The following GGNBP2 variants were observed in gnomAD, a reference collection of about 807,000 sequenced individuals.
The protein encoded by GGNBP2 is gametogenetin binding protein 2.
Under a neutral mutation model 85.9 loss-of-function variants are expected in GGNBP2, and 10 were observed. The ratio of observed to expected loss-of-function variants is 0.12; its 90% CI spans 0.07 to 0.20. GGNBP2 has a LOEUF of 0.20. Among genes scored for constraint, GGNBP2 ranks in the 10% least tolerant of loss-of-function variants. The pLI, the probability that GGNBP2 is intolerant of heterozygous loss-of-function variation, is 1.00. For missense variants in GGNBP2, 595 were observed against 857.8 expected, an observed-to-expected ratio of 0.69 and a Z score of 3.83; for synonymous variants, 287 against 285.7, an observed-to-expected ratio of 1.00 and a Z score of -0.05.
intron 6 of GGNBP2, among the ~76,000 whole-genome samples, chr17:36,573,206 G>A (rs745363176): frequency 9.2e-5 from 14 of 151,838 alleles, no homozygotes; most frequent in Non-Finnish European, 1.8e-4. Context: ...TCCGCCTCCC[G>A]AGTTCAAGTG....
intron 4 of GGNBP2, among the ~76,000 whole-genome samples, chr17:36,558,514 GGC>G (rs1198730682): frequency 8.7e-5 from 13 of 149,608 alleles, no homozygotes; most frequent in African/African-American, 3.2e-4. Context: ...GGAGTGCAAT[GGC>G]TCGATCTCAG....
intron 5 of GGNBP2, among the ~76,000 whole-genome samples, chr17:36,566,953 G>A (rs1358395702): frequency 6.6e-6 from 1 of 151,906 alleles, no homozygotes; most frequent in Non-Finnish European, 1.5e-5. Flanking sequence ...ATGGCTTGAG[G>A]TCAGGGGTTT....
intron 9 of GGNBP2, chr17:36,582,096 C>G (rs1020801082): frequency 1.3e-5 from 2 of 152,202 alleles, no homozygotes; most frequent in African/African-American, 4.8e-5. Context: ...TCAGGCTGGT[C>G]TCCAGCTTGT....
intron 2 of GGNBP2, among the ~76,000 whole-genome samples, chr17:36,552,758 C>T (rs919095161): frequency 6.6e-5 from 10 of 152,130 alleles, no homozygotes; most frequent in Non-Finnish European, 1.3e-4. Context: ...TGGTGACTCA[C>T]GCCTGTAATC....
chr17:36,561,080 T>A (rs980424497), intron 5 of GGNBP2, among the ~76,000 whole-genome samples: 137 of 152,242 alleles, frequency 9.0e-4, no homozygotes, highest in African/African-American at 3.0e-3. Context: ...TTTAAAAAAA[T>A]TTTTTTATGT....
At chr17:36,556,894 G>T (rs931113822) in intron 3 of GGNBP2, among the ~76,000 whole-genome samples, 189 bp from the exon 4 acceptor site, 7 of 151,308 alleles carry the variant, frequency 4.6e-5, no homozygotes, top group African/African-American at 7.3e-5. Flanking sequence ...GAGCAAGGGG[G>T]TTTGTGGAGG....
chr17:36,565,717 G>A (rs545247942), intron 5 of GGNBP2, among the ~76,000 whole-genome samples: 3 of 152,226 alleles, frequency 2.0e-5, no homozygotes, highest in East Asian at 3.9e-4. Flanking sequence ...CCAATATGGC[G>A]AAACCCCGTC....
intron 7 of GGNBP2, chr17:36,578,921 T>C (rs752247868): frequency 6.2e-5 from 12 of 194,138 alleles, no homozygotes; most frequent in Non-Finnish European, 1.1e-4. Flanking sequence ...TTTGCTATAA[T>C]TGGAAAGTAA....
intron 9 of GGNBP2, among the ~76,000 whole-genome samples, chr17:36,584,756 A>C (rs1331373236): frequency 3.9e-5 from 6 of 152,162 alleles, no homozygotes; most frequent in African/African-American, 1.4e-4. Flanking sequence ...CAAGAGTTCA[A>C]GACTAGCCTG....
At chr17:36,563,038 G>A (rs1400428077) in intron 5 of GGNBP2, among the ~76,000 whole-genome samples, 2 of 151,286 alleles carry the variant, frequency 1.3e-5, no homozygotes, top group Non-Finnish European at 2.9e-5. Context: ...GGCCAAGTTG[G>A]GTGGATTCTC....
At chr17:36,558,217 T>A (rs2074382223) in intron 4 of GGNBP2, among the ~76,000 whole-genome samples, 2 of 151,506 alleles carry the variant, frequency 1.3e-5, no homozygotes, top group South Asian at 4.2e-4. Flanking sequence ...AGTTCAAGAC[T>A]AGCCTGGGCA....
chr17:36,571,912 G>A (rs969886870), intron 6 of GGNBP2, among the ~76,000 whole-genome samples: 8 of 151,932 alleles, frequency 5.3e-5, no homozygotes, highest in African/African-American at 7.2e-5. Flanking sequence ...TTAGCTGGGC[G>A]TAGTGACACA....
In GGNBP2 at chr17:36,586,402, T is replaced by C. The variant is rs1854215560; in HGVS notation, c.1641+204T>C. The stretch of plus-strand genomic sequence containing the variant: ...GTGATCATTTGTGCAACAGTCCTTG[T>C]GAGTCAGAAATTCAATTGTTCTTTT... On this transcript the variant is annotated intron_variant, in intron 12 of 13. Transcript: ENST00000613102. The C allele has an allele frequency of 6.9e-6, 4 of 582,702 alleles. No individual in the cohort carries two copies. The African/African-American group carries it at 7.4e-5, about 11-fold the overall frequency. The allele number at this position is 582,702 out of a possible 1,614,324, so 36.1% of individuals were successfully genotyped here. A position where few individuals can be genotyped will look rare whatever the true frequency, so the allele number is the denominator to read the frequency against.
At chr17:36,575,648 A>ATATTTTTT (rs374366757) in intron 6 of GGNBP2, among the ~76,000 whole-genome samples, 110 of 54,904 alleles carry the variant, frequency 2.0e-3, no homozygotes, top group African/African-American at 5.3e-3. Context: ...ATATATATAT[A>ATATTTTTT]TTTTTTTTTT....
intron 3 of GGNBP2, among the ~76,000 whole-genome samples, chr17:36,556,454 C>T (rs1043846997): frequency 2.0e-5 from 3 of 152,156 alleles, no homozygotes; most frequent in South Asian, 2.1e-4. Flanking sequence ...GCCTGTAATC[C>T]GAGCACTTTG....
In GGNBP2 at chr17:36,567,751, C is replaced by T; in HGVS notation, c.616C>T (p.Leu206=). The T allele has an allele frequency of 6.3e-7, 1 of 1,595,180 alleles. No individual in the cohort carries two copies. ...TGACTCGAGTTGTCTTTTAGAAACA[C>T]TAGAAACATATCTGCGAAAACACAG... ...LIDSSCLLET[L]ETYLRKHRFC... The change falls in exon 6 of 14, where the codon CTA becomes TTA. Residue 206 remains leucine (L), a synonymous_variant. Coordinates refer to ENST00000613102, the MANE Select transcript of GGNBP2 (RefSeq NM_024835.5).
At chr17:36,579,835 A>G (rs947363510) in intron 8 of GGNBP2, among the ~76,000 whole-genome samples, 8 of 151,850 alleles carry the variant, frequency 5.3e-5, no homozygotes, top group South Asian at 2.1e-4. Context: ...ATATGATGAA[A>G]CCCCGTCTCT....
chr17:36,572,251 TTGA>T (rs1555606935), intron 6 of GGNBP2, among the ~76,000 whole-genome samples: 7 of 152,234 alleles, frequency 4.6e-5, no homozygotes. Context: ...ATTGTTCTCT[TTGA>T]TATTTGACCA....
In GGNBP2 at chr17:36,545,828, C is replaced by G. The variant is rs1313643077; in HGVS notation, c.93+11C>G. On this transcript the variant is annotated intron_variant, in intron 2 of 13. Coordinates refer to ENST00000613102, the MANE Select transcript of GGNBP2 (RefSeq NM_024835.5). ...GACGACACCCTGACGGTGAGCGGGC[C>G]GGGCCGGGCTGGGCCCGCCGCTCCC... 6.5e-7 allele frequency: 1 copy of G among 1,535,658 alleles called. No individual in the cohort carries two copies. The highest frequency in any genetic ancestry group is 2.5e-5 in the East Asian group (1 of 40,760).
Sources: allele counts gnomAD v4.1 joint callset (sites outside exome capture counted in the v4.1 genomes callset), GRCh38; gene constraint gnomAD v4.1.1; transcripts MANE v1.5; gene names NCBI Gene and HGNC (gene_info 2026-07-23, HGNC 2026-07-21).